GPR149: variants seen among roughly 807,000 people sequenced by gnomAD.
The protein encoded by GPR149 is G protein-coupled receptor 149.
A neutral mutation model predicts 50.2 loss-of-function variants in GPR149; 50 were observed. The ratio of observed to expected loss-of-function variants is 1.00; its 90% CI spans 0.79 to 1.26. The LOEUF (loss-of-function observed/expected upper bound fraction) is 1.26, where lower values mean the gene tolerates loss of function less well. GPR149 is among the 50% of genes most tolerant of loss of function. GPR149 has a pLI of 0.00. For missense variants in GPR149, 983 were observed against 895.4 expected, an observed-to-expected ratio of 1.10 and a Z score of -1.25; for synonymous variants, 405 against 358.2, an observed-to-expected ratio of 1.13 and a Z score of -1.48.
chr3:154,396,407 G>A (rs1174958925), intron 3 of GPR149, among the ~76,000 whole-genome samples: 7 of 151,986 alleles, frequency 4.6e-5, no homozygotes, highest in Admixed American at 4.6e-4. Flanking sequence ...TTGTAGCAAT[G>A]GGAGGCTTAA....
intron 3 of GPR149, among the ~76,000 whole-genome samples, chr3:154,418,457 C>A: frequency 1.0e-5 from 1 of 98,628 alleles, no homozygotes; most frequent in Non-Finnish European, 2.0e-5. Flanking sequence ...AAATGTGGCA[C>A]ATATACACCA....
At position 154,344,893 on chromosome 3, in the gene GPR149, C is replaced by A. The variant is rs1386976608; in HGVS notation, c.1624-6622G>T. 7.2e-5 allele frequency among the ~76,000 whole-genome samples: 11 copies of A among 152,310 alleles called. No homozygotes were observed. In the South Asian group the frequency reaches 2.3e-3, roughly 32 times the overall value. ...CTTAATTTGTGATAGTTTGTTACAG[C>A]AGCCTTGGGAAACTAATTCAATTTT... On this transcript the variant is annotated intron_variant, in intron 3 of 3. Transcript: ENST00000389740.
At chr3:154,374,734 G>A (rs1714752054) in intron 3 of GPR149, among the ~76,000 whole-genome samples, 1 of 152,108 alleles carries the variant, frequency 6.6e-6, no homozygotes, top group Admixed American at 6.5e-5. Flanking sequence ...ATGAACCAAG[G>A]GAGGATTGAA....
intron 3 of GPR149, chr3:154,352,519 T>C: frequency 1.3e-6 from 1 of 774,988 alleles, no homozygotes; most frequent in Non-Finnish European, 2.4e-6. Context: ...CTACTTAGCT[T>C]TCTATTAAGT....
At chr3:154,408,970 G>A (rs1711765474) in intron 3 of GPR149, among the ~76,000 whole-genome samples, 1 of 152,246 alleles carries the variant, frequency 6.6e-6, no homozygotes, top group Non-Finnish European at 1.5e-5. Flanking sequence ...CCCTCACAGA[G>A]TCCACTTCAT....
intron 3 of GPR149, among the ~76,000 whole-genome samples, chr3:154,407,373 C>A (rs1003727976): frequency 6.7e-5 from 10 of 148,646 alleles, no homozygotes; most frequent in African/African-American, 2.5e-4. Context: ...AGGTAATAAC[C>A]ATTTGCAATT....
intron 3 of GPR149, among the ~76,000 whole-genome samples, chr3:154,378,432 C>T (rs765542563): frequency 5.3e-5 from 8 of 152,114 alleles, no homozygotes; most frequent in Non-Finnish European, 1.0e-4. Flanking sequence ...ACTTGAGGAA[C>T]ATTTGGATTA....
rs767120681 is a variant in GPR149 at position 154,338,123 on chromosome 3, A to C, written c.1772T>G (p.Val591Gly). The C allele has an allele frequency of 1.2e-6, 2 of 1,614,086 alleles. No homozygotes were observed. The highest frequency in any genetic ancestry group is 1.7e-6 in the Non-Finnish European group (2 of 1,180,018). Residue 591 changes from valine to glycine, a missense_variant, in exon 4 of 4, where the codon GTC becomes GGC. Val to Gly is a moderately radical substitution (Grantham distance 109, BLOSUM62 -3). Transcript: ENST00000389740. ...ATGGCCAACACTTTTGGATCGATAG[A>C]CTTCTATTTTCTTAGAGGCTGGAGT... Reference protein sequence around the residue: ...KITPASKKIEVYRSKSVGHEP... With the variant: ...KITPASKKIEGYRSKSVGHEP...
chr3:154,411,575 A>G (rs112131297), intron 3 of GPR149, among the ~76,000 whole-genome samples: 22 of 152,158 alleles, frequency 1.4e-4, no homozygotes, highest in Non-Finnish European at 2.1e-4. Flanking sequence ...GAATGCCTTT[A>G]TGCACATAAA....
intron 3 of GPR149, chr3:154,353,470 G>T: frequency 1.1e-6 from 1 of 905,012 alleles, no homozygotes; most frequent in Non-Finnish European, 1.9e-6. Flanking sequence ...ACTTCATCAA[G>T]CACAACATGG....
chr3:154,408,687 A>G (rs1576925743), intron 3 of GPR149, among the ~76,000 whole-genome samples: 2 of 152,296 alleles, frequency 1.3e-5, no homozygotes, highest in African/African-American at 4.8e-5. Context: ...AGCCCTGCCC[A>G]AGGAGAGGCT....
In GPR149 at chr3:154,379,876, G is replaced by C. The variant is rs1714875640; in HGVS notation, c.1623+41163C>G. Among the ~76,000 whole-genome samples the C allele has an allele frequency of 6.6e-5, 10 of 151,948 alleles. No individual in the cohort carries two copies. The South Asian group carries it at 2.1e-3, about 32-fold the overall frequency. On this transcript the variant is annotated intron_variant, in intron 3 of 3. Transcript: ENST00000389740. ...TTTGAAGTCAGATAGTGTAAGTTCT[G>C]TGTATTTTTTCTTAAAATATAAGAT...
chr3:154,348,562 C>G (rs1463040850), intron 3 of GPR149, among the ~76,000 whole-genome samples: 1 of 151,886 alleles, frequency 6.6e-6, no homozygotes, highest in Non-Finnish European at 1.5e-5. Context: ...ACATAGCAAT[C>G]CTAAATATGT....
In GPR149 at chr3:154,429,005, A is replaced by T. The variant is rs756812851; in HGVS notation, c.611T>A (p.Leu204His). Residue 204 changes from leucine to histidine, a missense_variant, in exon 1 of 4, where the codon CTC becomes CAC. Coordinates refer to ENST00000389740, the MANE Select transcript of GPR149 (RefSeq NM_001038705.3). ...GAGTGGGACTGAGAGGCCCACGAGG[A>T]GTCCGAAGGCCAAAGCGTACACGAT... ...LSIVYALAFG[L>H]LVGLSVPLTH... The T allele has an allele frequency of 6.2e-7, 1 of 1,613,928 alleles. No homozygotes were observed. Among genetic ancestry groups the T allele is most frequent in the African/African-American group, 1.3e-5 (1 of 74,932 alleles).
At chr3:154,363,408 G>A (rs1397403421) in intron 3 of GPR149, among the ~76,000 whole-genome samples, 1 of 152,118 alleles carries the variant, frequency 6.6e-6, no homozygotes, top group Non-Finnish European at 1.5e-5. Flanking sequence ...TCCAGCATTA[G>A]TGTTTGGTGA....
chr3:154,402,271 G>A (rs1156345578), intron 3 of GPR149, among the ~76,000 whole-genome samples: 7 of 151,968 alleles, frequency 4.6e-5, no homozygotes, highest in Non-Finnish European at 7.4e-5. Flanking sequence ...ATGGGAAGCA[G>A]GCCAGGCACC....
chr3:154,411,214 A>C (rs1711823019), intron 3 of GPR149, among the ~76,000 whole-genome samples: 1 of 152,188 alleles, frequency 6.6e-6, no homozygotes, highest in South Asian at 2.1e-4. Flanking sequence ...AAAAGTTCAT[A>C]GTATTAAATA....
chr3:154,345,503 A>G (rs962494253), intron 3 of GPR149, among the ~76,000 whole-genome samples: 64 of 152,170 alleles, frequency 4.2e-4, no homozygotes, highest in African/African-American at 1.5e-3. Flanking sequence ...ATAATCCATT[A>G]TTGCTATATT....
rs771599479 is a variant in GPR149, at chr3:154,428,620, C to T, written c.981+15G>A. The stretch of plus-strand genomic sequence containing the variant: ...GGCACACACACTCGCGCTTTGTGAG[C>T]AACTGCACTTTTACCATCATGGGCA... On this transcript the variant is annotated intron_variant, in intron 1 of 3. Transcript: ENST00000389740. The T allele has an allele frequency of 1.2e-6, 2 of 1,604,782 alleles. No individual in the cohort carries two copies. Among genetic ancestry groups the T allele is most frequent in the Admixed American group, 3.4e-5 (2 of 58,852 alleles).
Sources: allele counts gnomAD v4.1 joint callset (sites outside exome capture counted in the v4.1 genomes callset), GRCh38; gene constraint gnomAD v4.1.1; transcripts MANE v1.5; gene names NCBI Gene and HGNC (gene_info 2026-07-23, HGNC 2026-07-21).